Variants in CBL observed in about 807,000 individuals in gnomAD.
The protein encoded by CBL is Cbl proto-oncogene.
CBL carries 45 observed loss-of-function variants against 96.9 expected under a neutral mutation model. The observed-to-expected ratio is 0.46, with a 90% CI of 0.37 to 0.60. CBL has a LOEUF of 0.60. Ranked by LOEUF, CBL falls within the 20% of genes least tolerant of loss-of-function variation. The probability of loss-of-function intolerance (pLI) is 0.00; values close to 1 mark genes in which losing one functional copy is unlikely to be tolerated. For synonymous variants in CBL, 420 were observed against 426.8 expected (o/e 0.98, Z 0.20); for missense variants, 1,024 against 1,143.5 (o/e 0.90, Z 1.51).
At chr11:119,237,178 A>G (rs533417817) in intron 2 of CBL, among the ~76,000 whole-genome samples, 2 of 152,362 alleles carry the variant, frequency 1.3e-5, no homozygotes, top group Non-Finnish European at 2.9e-5. Flanking sequence ...GGTTTCAGGC[A>G]TCTGCACATC....
At chr11:119,286,905 TG>T (rs1949988446) in intron 11 of CBL, among the ~76,000 whole-genome samples, 2 of 152,200 alleles carry the variant, frequency 1.3e-5, no homozygotes, top group East Asian at 3.9e-4. Flanking sequence ...CAGTCACAAG[TG>T]CTATGGAGAA....
At chr11:119,289,545 CTATTT>C (rs1429684985) in intron 12 of CBL, 1 of 141,604 alleles carries the variant, frequency 7.1e-6, no homozygotes, top group Non-Finnish European at 1.5e-5. Context: ...TTTCACTCCT[CTATTT>C]TTTTTTTTTT....
chr11:119,245,566 TAA>T (rs1377279028), intron 2 of CBL, among the ~76,000 whole-genome samples: 1 of 151,926 alleles, frequency 6.6e-6, no homozygotes, highest in Non-Finnish European at 1.5e-5. Flanking sequence ...CCATCTCTAC[TAA>T]AAATACAAAA....
Position 119,303,819 on chromosome 11 carries a change from A to G in CBL, c.*4038A>G, listed in dbSNP as rs754325180. On this transcript the variant is annotated 3_prime_UTR_variant, in exon 16 of 16. Transcript: ENST00000264033. ...GCATCTGCCCACACTCCCCTTTCCA[A>G]TCTAGTGCCTTCCTTGAACTTTTTC... 2 of 233,520 alleles carry G rather than the reference A, an allele frequency of 8.6e-6. No individual in the cohort carries two copies. The highest frequency in any genetic ancestry group is 1.7e-5 in the Non-Finnish European group (2 of 118,050). 14.5% of individuals were successfully genotyped at this position (233,520 alleles called of 1,614,324 possible).
intron 7 of CBL, 122 bp from the exon 8 acceptor site, chr11:119,278,044 C>G: frequency 1.0e-6 from 1 of 952,692 alleles, no homozygotes; most frequent in South Asian, 1.5e-5. Flanking sequence ...AAATAAACCA[C>G]TGTTGTGACA....
intron 2 of CBL, among the ~76,000 whole-genome samples, chr11:119,246,107 T>A (rs1297575075): frequency 6.6e-6 from 1 of 151,110 alleles, no homozygotes; most frequent in East Asian, 2.0e-4. Context: ...CCCAAGTAGC[T>A]GGGACTACAG....
intron 2 of CBL, among the ~76,000 whole-genome samples, chr11:119,242,565 C>T (rs1400303273): frequency 1.4e-5 from 2 of 145,214 alleles, no homozygotes; most frequent in Middle Eastern, 3.7e-3. Context: ...AAGACCAGCA[C>T]GGCACCATAG....
chr11:119,262,620 T>G (rs1949762336), intron 2 of CBL, among the ~76,000 whole-genome samples: 1 of 152,204 alleles, frequency 6.6e-6, no homozygotes, highest in Non-Finnish European at 1.5e-5. Context: ...TGAATGCCTG[T>G]TATGTGCCCA....
intron 4 of CBL, among the ~76,000 whole-genome samples, 176 bp downstream of exon 4, chr11:119,274,200 A>G (rs984117101): frequency 2.0e-5 from 3 of 151,696 alleles, no homozygotes; most frequent in African/African-American, 2.4e-5. Flanking sequence ...AAATATATGT[A>G]TGTGTGTGTA....
At chr11:119,255,906 A>G (rs1949707565) in intron 2 of CBL, among the ~76,000 whole-genome samples, 1 of 151,946 alleles carries the variant, frequency 6.6e-6, no homozygotes, top group Non-Finnish European at 1.5e-5. Context: ...ATACTTTAAA[A>G]AAAAAAAAAG....
intron 2 of CBL, among the ~76,000 whole-genome samples, chr11:119,253,380 G>T (rs1480084529): frequency 3.4e-5 from 5 of 148,370 alleles, no homozygotes; most frequent in Non-Finnish European, 5.9e-5. Context: ...CTATTCAGGA[G>T]GCTGAGATGG....
At chr11:119,271,680 A>AT in intron 2 of CBL, 55 bp from the exon 3 acceptor site, 1 of 1,475,784 alleles carries the variant, frequency 6.8e-7, no homozygotes, top group Non-Finnish European at 9.5e-7. Context: ...AATTTGGTGC[A>AT]TTTAAAATAA....
chr11:119,307,643 C>G lies in CBL; in HGVS notation c.*7862C>G, dbSNP rs1376357238. The G allele has an allele frequency of 4.4e-6, 1 of 229,336 alleles. No homozygotes were observed. Among genetic ancestry groups the G allele is most frequent in the Non-Finnish European group, 8.6e-6 (1 of 115,618 alleles). 14.2% of individuals were successfully genotyped at this position (229,336 alleles called of 1,614,324 possible). A position where few individuals can be genotyped will look rare whatever the true frequency, so the allele number is the denominator to read the frequency against. On this transcript the variant is annotated 3_prime_UTR_variant, in exon 16 of 16. Coordinates refer to ENST00000264033, the MANE Select transcript of CBL (RefSeq NM_005188.4). ...TAATGACATCTTACTTATCTTTTAC[C>G]CTTTCCTCAGTTTTCCCCTGCCTTT... is the stretch of plus-strand genomic sequence containing the variant.
In CBL at chr11:119,307,684, G is replaced by A. The variant is rs201889676; in HGVS notation, c.*7903G>A. ...CCCTGCCTTTAACTAATAAAGAATTGGGAGACAGAAATTTTAAAGTCCTCC... is the reference window on the plus strand; with the variant it reads ...CCCTGCCTTTAACTAATAAAGAATTAGGAGACAGAAATTTTAAAGTCCTCC... On this transcript the variant is annotated 3_prime_UTR_variant, in exon 16 of 16. Transcript: ENST00000264033. 1.8e-4 allele frequency: 41 copies of A among 226,340 alleles called. 1 individual carries two copies. In the East Asian group the frequency reaches 2.6e-3, roughly 14 times the overall value. The allele number at this position is 226,340 out of a possible 1,614,324, so 14.0% of individuals were successfully genotyped here.
Position 119,232,704 on chromosome 11 carries a change from G to A in CBL, c.443+9G>A, listed in dbSNP as rs1437059992. The A allele has an allele frequency of 1.2e-6, 2 of 1,611,824 alleles. No individual in the cohort carries two copies. The highest frequency in any genetic ancestry group is 1.7e-6 in the Non-Finnish European group (2 of 1,179,382). ...GAGAATTCTCAGCCTAGGTAATGGA[G>A]AAATACTACACAAATAATTATGCAG... On this transcript the variant is annotated intron_variant, in intron 2 of 15. Transcript: ENST00000264033.
At chr11:119,252,505 A>G (rs1007295778) in intron 2 of CBL, among the ~76,000 whole-genome samples, 2 of 152,122 alleles carry the variant, frequency 1.3e-5, no homozygotes, top group African/African-American at 2.4e-5. Context: ...ATTGACATCA[A>G]CCATTGTGCA....
chr11:119,257,767 G>A lies in CBL; in HGVS notation c.444-13968G>A, dbSNP rs1565866634. Among the ~76,000 whole-genome samples the A allele has an allele frequency of 3.3e-5, 5 of 152,064 alleles. 1 individual carries two copies. The highest frequency in any genetic ancestry group is 4.1e-4 in the South Asian group (2 of 4,824). On this transcript the variant is annotated intron_variant, in intron 2 of 15. Coordinates refer to ENST00000264033, the MANE Select transcript of CBL (RefSeq NM_005188.4). The stretch of plus-strand genomic sequence containing the variant: ...ATTCATTTTCATTCTTCTACATGTG[G>A]CTATGCAGTTTTCCCAGCACCATTT...
chr11:119,209,340 G>A (rs563630047), intron 1 of CBL, among the ~76,000 whole-genome samples: 21 of 152,004 alleles, frequency 1.4e-4, no homozygotes, highest in African/African-American at 5.1e-4. Context: ...TTTCTGGGCC[G>A]GGCCCCGTGG....
chr11:119,250,266 T>C (rs1392564425), intron 2 of CBL, among the ~76,000 whole-genome samples: 2 of 152,190 alleles, frequency 1.3e-5, no homozygotes, highest in East Asian at 3.8e-4. Flanking sequence ...TTGTAAGATT[T>C]TTTTCCTCTC....
Sources: gnomAD v4.1 joint callset for allele counts (sites outside exome capture counted in the v4.1 genomes callset) on GRCh38, gnomAD v4.1.1 for gene constraint, MANE v1.5 for transcripts, NCBI Gene and HGNC (gene_info 2026-07-23, HGNC 2026-07-21) for gene names.